SLC17A4: variants seen among roughly 807,000 people sequenced by gnomAD.
SLC17A4 encodes the protein probable small intestine urate exporter.
A neutral mutation model predicts 52.5 loss-of-function variants in SLC17A4; 33 were observed. The observed-to-expected ratio is 0.63, with a 90% CI of 0.48 to 0.84. The LOEUF is 0.84. Ranked by LOEUF, SLC17A4 falls within the 40% of genes least tolerant of loss-of-function variation. The pLI is 0.00. For missense variants in SLC17A4, 585 were observed against 597.1 expected (o/e 0.98, Z 0.21); for synonymous variants, 225 against 216.2 (o/e 1.04, Z -0.36).
rs73736903 is a variant in SLC17A4 at position 25,767,486 on chromosome 6, C to G, written c.92-1499C>G. Reference sequence around the variant, plus strand: ...TTGGGGGCCACAGAGAGCTCAGTACCTTGCCCCAGAATACACAGCTATAAG... The same window carrying G: ...TTGGGGGCCACAGAGAGCTCAGTACGTTGCCCCAGAATACACAGCTATAAG... On this transcript the variant is annotated intron_variant, in intron 2 of 11. Coordinates refer to ENST00000377905, the MANE Select transcript of SLC17A4 (RefSeq NM_005495.3). 3.7e-3 allele frequency among the ~76,000 whole-genome samples: 564 copies of G among 152,218 alleles called. 4 individuals are homozygous for G. The highest frequency in any genetic ancestry group is 0.012 in the African/African-American group (501 of 41,524).
In SLC17A4 at chr6:25,779,353, C is replaced by A. The variant is rs376774995; in HGVS notation, c.*165C>A. 8.1e-6 allele frequency: 7 copies of A among 868,228 alleles called. No homozygotes were observed. The highest frequency in any genetic ancestry group is 1.2e-5 in the Non-Finnish European group (7 of 581,938). 53.8% of individuals were successfully genotyped at this position (868,228 alleles called of 1,614,324 possible). A position where few individuals can be genotyped will look rare whatever the true frequency, so the allele number is the denominator to read the frequency against. ...GGAAATTTTACAGGGGAAGAAAACA[C>A]GCTAGTTATTTAACTGCAAGCTACT... On this transcript the variant is annotated 3_prime_UTR_variant, in exon 12 of 12. Coordinates refer to ENST00000377905, the MANE Select transcript of SLC17A4 (RefSeq NM_005495.3).
In SLC17A4 at chr6:25,777,937, T is replaced by C. The variant is rs1290679401; in HGVS notation, c.1280T>C (p.Phe427Ser). 1 of 1,613,086 alleles carries C rather than the reference T, an allele frequency of 6.2e-7. No homozygotes were observed. Among genetic ancestry groups the C allele is most frequent in the Non-Finnish European group, 8.5e-7 (1 of 1,179,484 alleles). The change falls in exon 11 of 12, where the codon TTT becomes TCT. Residue 427 changes from phenylalanine (F) to serine (S), a missense_variant. Coordinates refer to ENST00000377905, the MANE Select transcript of SLC17A4 (RefSeq NM_005495.3). ...FLDIAPRYTG[F>S]LKGLLQVFAH... is the part of the protein sequence containing the mutation. Reference sequence around the variant, plus strand: ...TCTCTCTCTCTCAGGTACACTGGCTTTCTCAAAGGACTATTGCAAGTCTTT... The same window carrying C: ...TCTCTCTCTCTCAGGTACACTGGCTCTCTCAAAGGACTATTGCAAGTCTTT...
intron 5 of SLC17A4, 132 bp downstream of exon 5, chr6:25,770,603 A>G: frequency 1.3e-6 from 1 of 792,088 alleles, no homozygotes; most frequent in South Asian, 1.5e-5. Flanking sequence ...ACTACCCCAT[A>G]CTGCCTTACT....
At chr6:25,763,100 C>T (rs1260896916) in intron 2 of SLC17A4, among the ~76,000 whole-genome samples, 1 of 152,166 alleles carries the variant, frequency 6.6e-6, no homozygotes, top group Non-Finnish European at 1.5e-5. Flanking sequence ...CACCTTTGGG[C>T]AGTCATTGGA....
intron 1 of SLC17A4, among the ~76,000 whole-genome samples, chr6:25,755,623 G>GT (rs1333131377): frequency 6.6e-6 from 1 of 152,118 alleles, no homozygotes; most frequent in Non-Finnish European, 1.5e-5. Context: ...TTTCTTTGCT[G>GT]TTTTTTCCTC....
At position 25,779,384 on chromosome 6, in the gene SLC17A4, C is replaced by T; in HGVS notation, c.*196C>T. ...TTATTTAACTGCAAGCTACTAAAAG[C>T]ATAGGTGTGTTGAGATTTCTGTGTT... is the stretch of plus-strand genomic sequence containing the variant. On this transcript the variant is annotated 3_prime_UTR_variant, in exon 12 of 12. Transcript: ENST00000377905. 1 of 618,802 alleles carries T rather than the reference C, an allele frequency of 1.6e-6. No individual in the cohort carries two copies. The highest frequency in any genetic ancestry group is 2.7e-6 in the Non-Finnish European group (1 of 375,366). 38.3% of individuals were successfully genotyped at this position (618,802 alleles called of 1,614,324 possible).
Position 25,773,574 on chromosome 6 carries a change from C to T in SLC17A4, c.887C>T (p.Ala296Val). ...ATGATCAAATCCTTACCACTCTGGGCCATTTTAGTCTCTTATTTCTGTGAA... is the reference window on the plus strand; with the variant it reads ...ATGATCAAATCCTTACCACTCTGGGTCATTTTAGTCTCTTATTTCTGTGAA... ...RAMIKSLPLW[A>V]ILVSYFCEYW... Residue 296 changes from alanine (A) to valine (V), a missense_variant, in exon 8 of 12, where the codon GCC becomes GTC. Ala to Val is a moderately conservative substitution (Grantham distance 64). Transcript: ENST00000377905. The T allele has an allele frequency of 6.2e-7, 1 of 1,613,932 alleles. No homozygotes were observed. The highest frequency in any genetic ancestry group is 8.5e-7 in the Non-Finnish European group (1 of 1,179,902).
chr6:25,778,581 A>G (rs1763131710), intron 11 of SLC17A4, among the ~76,000 whole-genome samples: 1 of 152,218 alleles, frequency 6.6e-6, no homozygotes, highest in Admixed American at 6.5e-5. Flanking sequence ...GTGCTATTTA[A>G]GTGAATGAAA....
rs201351235 is a variant in SLC17A4, at chr6:25,776,580, G to A, written c.988-15G>A. On this transcript the variant is annotated splice_polypyrimidine_tract_variant and intron_variant, in intron 8 of 11. Coordinates refer to ENST00000377905, the MANE Select transcript of SLC17A4 (RefSeq NM_005495.3). ...GGTAAGGGCACATGCACCTGACCTAGTCTCTGGTCCTCAGAGTGGGATCCT... is the reference window on the plus strand; with the variant it reads ...GGTAAGGGCACATGCACCTGACCTAATCTCTGGTCCTCAGAGTGGGATCCT... 1.2e-4 allele frequency: 198 copies of A among 1,589,062 alleles called. 3 individuals are homozygous for A. The Middle Eastern group carries it at 2.4e-3, about 19-fold the overall frequency.
Position 25,769,140 on chromosome 6 carries a change from A to G in SLC17A4, c.247A>G (p.Thr83Ala), listed in dbSNP as rs1294983638. 6 of 1,614,030 alleles carry G rather than the reference A, an allele frequency of 3.7e-6. No individual in the cohort carries two copies. Among genetic ancestry groups the G allele is most frequent in the Non-Finnish European group, 4.2e-6 (5 of 1,179,924 alleles). The part of the protein sequence containing the change: ...QPNASTERPS[T>A]DSQGYWNETL... Reference sequence around the variant, plus strand: ...CAATGCTTCCACAGAACGGCCCTCCACTGACTCCCAGGGCTACTGGAATGA... The same window carrying G: ...CAATGCTTCCACAGAACGGCCCTCCGCTGACTCCCAGGGCTACTGGAATGA... The change falls in exon 3 of 12, where the codon ACT becomes GCT. Residue 83 changes from threonine to alanine, a missense_variant. By Grantham distance (58) the Thr-to-Ala change is moderately conservative (BLOSUM62 0). Transcript: ENST00000377905.
intron 1 of SLC17A4, 115 bp from the exon 2 acceptor site, chr6:25,761,812 C>A (rs1406290350): frequency 4.9e-6 from 3 of 608,624 alleles, no homozygotes; most frequent in African/African-American, 3.8e-5. Flanking sequence ...TTTTCATAAA[C>A]CCTAATCTAC....
intron 1 of SLC17A4, among the ~76,000 whole-genome samples, chr6:25,757,984 C>T (rs9295669): frequency 0.52 from 78,486 of 151,954 alleles, 21,009 homozygotes; most frequent in East Asian, 0.8. Context: ...CTGAGTCATC[C>T]GTATCTGGTT....
chr6:25,779,010 A>G, intron 11 of SLC17A4, 44 bp from the exon 12 acceptor site: 1 of 1,607,522 alleles, frequency 6.2e-7, no homozygotes. Context: ...CAAGAGGGAC[A>G]GGAATTGGGT....
rs186947579 is a variant in SLC17A4 at position 25,777,618 on chromosome 6, A to C, written c.1269-308A>C. 1.3e-4 allele frequency: 32 copies of C among 239,442 alleles called. 1 individual carries two copies. Among genetic ancestry groups the C allele is most frequent in the Middle Eastern group, 1.3e-3 (1 of 742 alleles). 14.8% of individuals were successfully genotyped at this position (239,442 alleles called of 1,614,324 possible). On this transcript the variant is annotated intron_variant, in intron 10 of 11. Transcript: ENST00000377905. ...ACAACAACAACAACAAAAACCTTACAAACCAGGTGCAGACCATCAATCTGA... is the reference window on the plus strand; with the variant it reads ...ACAACAACAACAACAAAAACCTTACCAACCAGGTGCAGACCATCAATCTGA...
chr6:25,773,085 T>C (rs1762611550), intron 6 of SLC17A4, among the ~76,000 whole-genome samples, 190 bp from the exon 7 acceptor site: 1 of 152,186 alleles, frequency 6.6e-6, no homozygotes, highest in South Asian at 2.1e-4. Flanking sequence ...CAAAAGCAAG[T>C]TGTATGGCCA....
At chr6:25,772,642 A>G (rs980712644) in intron 6 of SLC17A4, among the ~76,000 whole-genome samples, 3 of 152,180 alleles carry the variant, frequency 2.0e-5, no homozygotes, top group Non-Finnish European at 4.4e-5. Context: ...AAATTGGGTA[A>G]TTAATTTCAC....
intron 1 of SLC17A4, among the ~76,000 whole-genome samples, chr6:25,756,261 C>T (rs1236447598): frequency 6.6e-6 from 1 of 152,146 alleles, no homozygotes; most frequent in African/African-American, 2.4e-5. Context: ...GTTGGACTAC[C>T]TTCTGCCTAG....
chr6:25,775,462 G>A (rs1024110188), intron 8 of SLC17A4, among the ~76,000 whole-genome samples: 13 of 151,322 alleles, frequency 8.6e-5, no homozygotes, highest in Admixed American at 8.6e-4. Context: ...TTGAGACAAC[G>A]TCTCACTGTG....
chr6:25,761,982 T>C lies in SLC17A4; in HGVS notation c.20T>C (p.Val7Ala). Reference sequence around the variant, plus strand: ...ACCAAAATGTCTACCGGACCAGATGTCAAGGCTACAGTGGGGGACATTTCC... The same window carrying C: ...ACCAAAATGTCTACCGGACCAGATGCCAAGGCTACAGTGGGGGACATTTCC... The part of the protein sequence containing the change: MSTGPD[V>A]KATVGDISSD... Residue 7 changes from valine to alanine, a missense_variant, in exon 2 of 12, where the codon GTC (valine) becomes GCC (alanine). Val to Ala is a moderately conservative substitution (Grantham distance 64). Coordinates refer to ENST00000377905, the MANE Select transcript of SLC17A4 (RefSeq NM_005495.3). 1 of 1,613,382 alleles carries C rather than the reference T, an allele frequency of 6.2e-7. No individual in the cohort carries two copies. Among genetic ancestry groups the C allele is most frequent in the East Asian group, 2.2e-5 (1 of 44,862 alleles).
Sources: allele counts gnomAD v4.1 joint callset (sites outside exome capture counted in the v4.1 genomes callset), GRCh38; gene constraint gnomAD v4.1.1; transcripts MANE v1.5; gene names NCBI Gene and HGNC (gene_info 2026-07-23, HGNC 2026-07-21).